Variants in RPTOR observed in about 807,000 individuals in gnomAD.
RPTOR encodes the protein regulatory associated protein of MTOR complex 1.
RPTOR carries 21 observed loss-of-function variants against 169.9 expected under a neutral mutation model. The observed-to-expected ratio is 0.12, with a 90% CI of 0.09 to 0.18. The LOEUF (loss-of-function observed/expected upper bound fraction) is 0.18, where lower values mean the gene tolerates loss of function less well. Among genes scored for constraint, RPTOR ranks in the 10% least tolerant of loss-of-function variants. The pLI, the probability that RPTOR is intolerant of heterozygous loss-of-function variation, is 1.00. For synonymous variants in RPTOR, 732 were observed against 753.2 expected (o/e 0.97, Z 0.46); for missense variants, 1,133 against 1,855.9 (o/e 0.61, Z 7.16).
intron 3 of RPTOR, among the ~76,000 whole-genome samples, chr17:80,704,305 C>G (rs892283190): frequency 6.6e-6 from 1 of 152,216 alleles, no homozygotes; most frequent in African/African-American, 2.4e-5. Context: ...CATTTATCAG[C>G]TGCCCTTGGT....
At chr17:80,890,737 G>A (rs2068311592) in intron 17 of RPTOR, among the ~76,000 whole-genome samples, 1 of 152,202 alleles carries the variant, frequency 6.6e-6, no homozygotes, top group African/African-American at 2.4e-5. Flanking sequence ...AGAGTGAGGG[G>A]CCGGCATCAG....
At chr17:80,904,845 TC>T (rs1435051592) in intron 20 of RPTOR, among the ~76,000 whole-genome samples, 2 of 152,214 alleles carry the variant, frequency 1.3e-5, no homozygotes, top group Non-Finnish European at 2.9e-5. Flanking sequence ...AGTTCCGTGA[TC>T]ACAGCGTCAT....
chr17:80,880,796 C>T (rs912561975), intron 14 of RPTOR, among the ~76,000 whole-genome samples: 8 of 152,310 alleles, frequency 5.3e-5, no homozygotes, highest in African/African-American at 1.9e-4. Context: ...GTCAAATCCA[C>T]TCTCCCTGCT....
intron 27 of RPTOR, among the ~76,000 whole-genome samples, chr17:80,949,132 G>A (rs1176946795): frequency 6.6e-6 from 1 of 152,186 alleles, no homozygotes; most frequent in Non-Finnish European, 1.5e-5. Flanking sequence ...TGGAGCTGGA[G>A]GGAGGAAGGG....
rs114045021 is a variant in RPTOR at position 80,795,130 on chromosome 17, G to C, written c.890+3621G>C. ...AGAGTGCAGAGCAGATGCAGCACAC[G>C]GCTGGCCACCGCTGCGGACAACAGG... On this transcript the variant is annotated intron_variant, in intron 7 of 33. Transcript: ENST00000306801. 8.5e-4 allele frequency among the ~76,000 whole-genome samples: 130 copies of C among 152,318 alleles called. 1 individual carries two copies. In the East Asian group the frequency reaches 0.02, roughly 24 times the overall value.
intron 2 of RPTOR, among the ~76,000 whole-genome samples, chr17:80,627,642 T>C (rs1272395388): frequency 6.6e-6 from 1 of 152,222 alleles, no homozygotes; most frequent in African/African-American, 2.4e-5. Flanking sequence ...AGTAGTTTTT[T>C]TCCTTTATTC....
At position 80,669,072 on chromosome 17, in the gene RPTOR, G is replaced by A. The variant is rs8076049; in HGVS notation, c.348+25262G>A. Among the ~76,000 whole-genome samples the A allele has an allele frequency of 2.5e-3, 375 of 152,346 alleles. 2 individuals carry two copies. The highest frequency in any genetic ancestry group is 8.8e-3 in the African/African-American group (365 of 41,588). On this transcript the variant is annotated intron_variant, in intron 3 of 33. Coordinates refer to ENST00000306801, the MANE Select transcript of RPTOR (RefSeq NM_020761.3). ...CGGGGACACGCTTGCCGGAGGCCAGGCTACCCTAAGTGTGCACCGAGGGAG... is the reference window on the plus strand; with the variant it reads ...CGGGGACACGCTTGCCGGAGGCCAGACTACCCTAAGTGTGCACCGAGGGAG...
intron 5 of RPTOR, among the ~76,000 whole-genome samples, chr17:80,734,223 T>C (rs534905560): frequency 6.6e-6 from 1 of 152,328 alleles, no homozygotes; most frequent in East Asian, 1.9e-4. Context: ...CCTCCACTGA[T>C]AGATCCACAA....
chr17:80,870,549 G>A (rs1461835787), intron 13 of RPTOR, among the ~76,000 whole-genome samples: 2 of 152,156 alleles, frequency 1.3e-5, no homozygotes, highest in Non-Finnish European at 2.9e-5. Context: ...TTCAAAAAAT[G>A]TGCAAGGTTA....
intron 33 of RPTOR, 44 bp from the exon 34 acceptor site, chr17:80,964,218 T>G: frequency 3.8e-5 from 48 of 1,258,998 alleles, no homozygotes; most frequent in Non-Finnish European, 4.9e-5. Flanking sequence ...CCGCAGTGTC[T>G]GCCCGCACCT....
At chr17:80,634,532 A>C (rs111164286) in intron 2 of RPTOR, among the ~76,000 whole-genome samples, 1 of 10,998 alleles carries the variant, frequency 9.1e-5, no homozygotes, top group Non-Finnish European at 1.9e-4. Context: ...TACTGTGTGC[A>C]TGTGCGTACT....
chr17:80,809,141 C>A (rs1047456037), intron 7 of RPTOR, among the ~76,000 whole-genome samples: 1 of 152,216 alleles, frequency 6.6e-6, no homozygotes, highest in Admixed American at 6.5e-5. Flanking sequence ...CAACAGCGTG[C>A]CAGTTGTGGC....
intron 1 of RPTOR, among the ~76,000 whole-genome samples, chr17:80,554,046 G>A (rs1301478709): frequency 6.6e-6 from 1 of 151,930 alleles, no homozygotes; most frequent in Non-Finnish European, 1.5e-5. Context: ...CCCGCTTGAT[G>A]TTCTGTTGTG....
rs1293504137 is a variant in RPTOR at position 80,878,982 on chromosome 17, C to T, written c.1510-1433C>T. Reference sequence around the variant, plus strand: ...TCCCTCCTCCTTCCCCAGGCCCCGTCCCCCGCCTTGCCCTCTGAAAGTGGT... The same window carrying T: ...TCCCTCCTCCTTCCCCAGGCCCCGTTCCCCGCCTTGCCCTCTGAAAGTGGT... On this transcript the variant is annotated intron_variant, in intron 13 of 33. Coordinates refer to ENST00000306801, the MANE Select transcript of RPTOR (RefSeq NM_020761.3). This position sits in a 1 kb window ranked among gnomAD's most constrained non-coding sequence, Gnocchi z 4.1. Among the ~76,000 whole-genome samples, 1 of 152,136 alleles carries T rather than the reference C, an allele frequency of 6.6e-6. No individual in the cohort carries two copies. The highest frequency in any genetic ancestry group is 1.5e-5 in the Non-Finnish European group (1 of 68,022).
At chr17:80,547,787 G>A (rs1263514473) in intron 1 of RPTOR, among the ~76,000 whole-genome samples, 2 of 152,086 alleles carry the variant, frequency 1.3e-5, no homozygotes, top group Admixed American at 1.3e-4. Flanking sequence ...AATGAAACAG[G>A]CCACATTTAA....
At chr17:80,700,754 A>ATGGTGG (rs1491119820) in intron 3 of RPTOR, among the ~76,000 whole-genome samples, 1 of 22,432 alleles carries the variant, frequency 4.5e-5, no homozygotes, top group Non-Finnish European at 1.0e-4. Context: ...GGTGGTGGTG[A>ATGGTGG]TGATGGTGAT....
At chr17:80,640,574 C>G (rs932661698) in intron 2 of RPTOR, among the ~76,000 whole-genome samples, 2 of 152,200 alleles carry the variant, frequency 1.3e-5, no homozygotes. Context: ...GTGGTTTCAC[C>G]CCTCCTGGGT....
intron 20 of RPTOR, 72 bp downstream of exon 20, chr17:80,893,937 CT>C: frequency 7.1e-7 from 1 of 1,406,160 alleles, no homozygotes; most frequent in Non-Finnish European, 9.4e-7. Context: ...CAGCACAGAC[CT>C]GTGTCTGCAT....
chr17:80,742,013 G>A (rs1269608463), intron 5 of RPTOR, among the ~76,000 whole-genome samples: 3 of 152,294 alleles, frequency 2.0e-5, no homozygotes, highest in East Asian at 3.9e-4. Flanking sequence ...CGGCTCACAC[G>A]AGGAGGACTG....
Sources: gnomAD v4.1 joint callset for allele counts (sites outside exome capture counted in the v4.1 genomes callset) on GRCh38, gnomAD v4.1.1 for gene constraint, Gnocchi (gnomAD v3.1) non-coding constraint, MANE v1.5 for transcripts, NCBI Gene and HGNC (gene_info 2026-07-23, HGNC 2026-07-21) for gene names.